Variants in AMMECR1L observed in about 807,000 individuals in gnomAD.
AMMECR1L encodes the protein AMMECR1-like protein.
In AMMECR1L, 4 loss-of-function variants were observed where a neutral mutation model predicts 36.8. The ratio of observed to expected loss-of-function variants is 0.11; its 90% CI spans 0.05 to 0.25. The LOEUF is 0.25. AMMECR1L is among the 10% of genes least tolerant of loss of function. The pLI, the probability that AMMECR1L is intolerant of heterozygous loss-of-function variation, is 1.00. For missense variants in AMMECR1L, 232 were observed against 392.1 expected, an observed-to-expected ratio of 0.59 and a Z score of 3.45; for synonymous variants, 147 against 148.0, an observed-to-expected ratio of 0.99 and a Z score of 0.05.
In AMMECR1L at chr2:127,864,985, A is replaced by C; in HGVS notation, c.*109T>G. On this transcript the variant is annotated 3_prime_UTR_variant, in exon 8 of 8. Coordinates refer to ENST00000272647, the MANE Select transcript of AMMECR1L (RefSeq NM_001199140.2). ...TTGGCAACGGAAGCTAGCATCATAA[A>C]ATGGTGCAGTAATAGAAGTAACTGG... The C allele has an allele frequency of 1.4e-6, 1 of 737,836 alleles. No individual in the cohort carries two copies. Among genetic ancestry groups the C allele is most frequent in the Non-Finnish European group, 2.3e-6 (1 of 441,890 alleles). 45.7% of individuals were successfully genotyped at this position (737,836 alleles called of 1,614,324 possible).
chr2:127,869,435 T>C lies in AMMECR1L; in HGVS notation c.724+19A>G, dbSNP rs1353864159. 4 of 1,595,848 alleles carry C rather than the reference T, an allele frequency of 2.5e-6. No homozygotes were observed. The highest frequency in any genetic ancestry group is 1.7e-5 in the Admixed American group (1 of 59,976). ...CTGTGAATGATACTTGTCATTAAAA[T>C]CCCATTCATCCAACTCACCTTGTTC... is the stretch of plus-strand genomic sequence containing the variant. On this transcript the variant is annotated intron_variant, in intron 6 of 7. Transcript: ENST00000272647. This position sits in a 1 kb window ranked among gnomAD's most constrained non-coding sequence, Gnocchi z 4.7.
In AMMECR1L at chr2:127,873,769, T is replaced by C; in HGVS notation, c.407+59A>G. On this transcript the variant is annotated intron_variant, in intron 3 of 7. Coordinates refer to ENST00000272647, the MANE Select transcript of AMMECR1L (RefSeq NM_001199140.2). The surrounding 1 kb of genome is among the most constrained non-coding windows in gnomAD (Gnocchi z 5.2). ...CAAGTAGCAGACCCTCTCAAGAGAA[T>C]CACCCCAGAAAGATGTCACCATGCC... 6.2e-7 allele frequency: 1 copy of C among 1,609,458 alleles called. No individual in the cohort carries two copies.
chr2:127,875,106 T>C (rs1573552763), intron 2 of AMMECR1L, among the ~76,000 whole-genome samples: 1 of 152,140 alleles, frequency 6.6e-6, no homozygotes, highest in Non-Finnish European at 1.5e-5. Flanking sequence ...TCACATGGGC[T>C]GGGGAGCCAC....
rs1446551746 is a variant in AMMECR1L at position 127,869,538 on chromosome 2, C to A, written c.640G>T (p.Val214Phe). 1 of 1,613,512 alleles carries A rather than the reference C, an allele frequency of 6.2e-7. No homozygotes were observed. Among genetic ancestry groups the A allele is most frequent in the Non-Finnish European group, 8.5e-7 (1 of 1,179,446 alleles). ...ATGAATTCAATTCGAATCCCATGGA[C>A]CCCTACCTATAGAAAAAAGTACAAC... is the stretch of plus-strand genomic sequence containing the variant. ...ASDYLDWEVGVHGIRIEFINE... is the reference protein window; with the variant it reads ...ASDYLDWEVGFHGIRIEFINE... The change falls in exon 6 of 8, where the codon GTC (valine) becomes TTC (phenylalanine). Residue 214 changes from valine (V) to phenylalanine (F), a missense_variant. By Grantham distance (50) the Val-to-Phe change is conservative (BLOSUM62 -1). Coordinates refer to ENST00000272647, the MANE Select transcript of AMMECR1L (RefSeq NM_001199140.2). This position sits in a 1 kb window ranked among gnomAD's most constrained non-coding sequence, Gnocchi z 4.7.
intron 4 of AMMECR1L, 32 bp from the exon 5 acceptor site, chr2:127,870,960 G>A: frequency 6.5e-7 from 1 of 1,541,104 alleles, no homozygotes; most frequent in Non-Finnish European, 8.9e-7. Context: ...AGGTAAGGCT[G>A]CTCTGGAGTC....
intron 6 of AMMECR1L, among the ~76,000 whole-genome samples, chr2:127,868,159 G>A (rs936192651): frequency 6.6e-6 from 1 of 152,158 alleles, no homozygotes; most frequent in Non-Finnish European, 1.5e-5. Flanking sequence ...GAGCAAACGT[G>A]CCCAGCCTCA....
intron 2 of AMMECR1L, among the ~76,000 whole-genome samples, chr2:127,882,046 A>G (rs1366920847): frequency 6.6e-6 from 1 of 152,230 alleles, no homozygotes; most frequent in Non-Finnish European, 1.5e-5. Context: ...TTAAAATGCT[A>G]TTATTGTAGA....
intron 2 of AMMECR1L, among the ~76,000 whole-genome samples, chr2:127,881,106 T>C (rs1182619738): frequency 6.6e-6 from 1 of 151,970 alleles, no homozygotes; most frequent in Non-Finnish European, 1.5e-5. Flanking sequence ...CTGAACTGGC[T>C]TCAGGTGCCA....
chr2:127,873,972 G>C lies in AMMECR1L; in HGVS notation c.263C>G (p.Pro88Arg). Residue 88 changes from proline (P) to arginine (R), a missense_variant, in exon 3 of 8, where the codon CCT becomes CGT. Transcript: ENST00000272647. The surrounding 1 kb of genome is among the most constrained non-coding windows in gnomAD (Gnocchi z 5.2). ...RMNPASGALS[P>R]LPRPNGTANT... ...GGCAGTTCCATTAGGCCGGGGAAGAGGGCTCAGCGCTCCCGATGCGGGATT... is the reference window on the plus strand; with the variant it reads ...GGCAGTTCCATTAGGCCGGGGAAGACGGCTCAGCGCTCCCGATGCGGGATT... The C allele has an allele frequency of 6.2e-7, 1 of 1,614,250 alleles. No individual in the cohort carries two copies. Among genetic ancestry groups the C allele is most frequent in the East Asian group, 2.2e-5 (1 of 44,884 alleles).
intron 2 of AMMECR1L, among the ~76,000 whole-genome samples, chr2:127,881,267 G>T (rs1691488670): frequency 7.4e-6 from 1 of 134,532 alleles, no homozygotes; most frequent in African/African-American, 2.5e-5. Flanking sequence ...TGGTTTCAGG[G>T]ATTAATACAA....
intron 2 of AMMECR1L, among the ~76,000 whole-genome samples, chr2:127,881,960 A>G (rs763892380): frequency 1.3e-5 from 2 of 152,216 alleles, no homozygotes; most frequent in Non-Finnish European, 1.5e-5. Context: ...GGCTGCCTTG[A>G]GAGTTGTACA....
chr2:127,879,737 C>A (rs1364676940), intron 2 of AMMECR1L, among the ~76,000 whole-genome samples: 2 of 152,170 alleles, frequency 1.3e-5, no homozygotes, highest in Non-Finnish European at 2.9e-5. Flanking sequence ...CTAAGTAGTT[C>A]CCGACTCAGC....
At chr2:127,877,034 T>TACATATATATATATATATATATAC (rs1558997855) in intron 2 of AMMECR1L, among the ~76,000 whole-genome samples, 1 of 44,114 alleles carries the variant, frequency 2.3e-5, no homozygotes, top group African/African-American at 1.4e-4. Context: ...TATATATATA[T>TACATATATATATATATATATATAC]ACATATATAT....
chr2:127,881,533 C>T (rs1482909552), intron 2 of AMMECR1L, among the ~76,000 whole-genome samples: 6 of 152,188 alleles, frequency 3.9e-5, no homozygotes, highest in African/African-American at 7.2e-5. Flanking sequence ...TGACTTGCCA[C>T]GTACCAGCTA....
At chr2:127,872,154 A>C (rs1433602472) in intron 3 of AMMECR1L, among the ~76,000 whole-genome samples, 1 of 147,656 alleles carries the variant, frequency 6.8e-6, no homozygotes, top group Admixed American at 7.0e-5. Flanking sequence ...GTGCCACTGC[A>C]CTCCAGCCTC....
At position 127,873,990 on chromosome 2, in the gene AMMECR1L, GC is replaced by G; in HGVS notation, c.244del (p.Ala82HisfsTer5). ...GNSPITRMNP[A>X]SGALSPLPRP... The stretch of plus-strand genomic sequence containing the variant: ...GGGAAGAGGGCTCAGCGCTCCCGAT[GC>G]GGGATTCATTCGTGTGATGGGAGAG... On this transcript the variant is annotated frameshift_variant, in exon 3 of 8. Coordinates refer to ENST00000272647, the MANE Select transcript of AMMECR1L (RefSeq NM_001199140.2). LOFTEE classifies it high-confidence loss of function. The surrounding 1 kb of genome is among the most constrained non-coding windows in gnomAD (Gnocchi z 5.2). 6.2e-7 allele frequency: 1 copy of G among 1,614,246 alleles called. No individual in the cohort carries two copies. The highest frequency in any genetic ancestry group is 8.5e-7 in the Non-Finnish European group (1 of 1,180,042).
rs945472342 is a variant in AMMECR1L at position 127,885,651 on chromosome 2, C to G, written c.-149+159G>C. ...CGCCCGCCGCCCGGGACTCCTCCCC[C>G]CCGCTGCCCCCGGACCCTCGCCCCA... On this transcript the variant is annotated intron_variant, in intron 1 of 7. Transcript: ENST00000272647. 2.1e-4 allele frequency: 207 copies of G among 984,400 alleles called. No homozygotes were observed. In the African/African-American group the frequency reaches 3.2e-3, roughly 15 times the overall value. 61.0% of individuals were successfully genotyped at this position (984,400 alleles called of 1,614,324 possible).
rs554200224 is a variant in AMMECR1L, at chr2:127,876,942, T to C, written c.-38-2670A>G. ...TGAGACAGGAGAATCACTTGAACTC[T>C]GGAGGTGGAAGTTGCAGTAAGCTGA... On this transcript the variant is annotated intron_variant, in intron 2 of 7. Transcript: ENST00000272647. Among the ~76,000 whole-genome samples, 331 of 151,560 alleles carry C rather than the reference T, an allele frequency of 2.2e-3. 2 individuals carry two copies. The highest frequency in any genetic ancestry group is 7.6e-3 in the African/African-American group (316 of 41,322).
chr2:127,884,735 G>C (rs951489062), intron 1 of AMMECR1L: 5 of 152,254 alleles, frequency 3.3e-5, no homozygotes, highest in African/African-American at 1.2e-4. Context: ...AGAATTACTG[G>C]ACAGCACGCC....
Sources: gnomAD v4.1 joint callset for allele counts (sites outside exome capture counted in the v4.1 genomes callset) on GRCh38, gnomAD v4.1.1 for gene constraint, Gnocchi (gnomAD v3.1) non-coding constraint, MANE v1.5 for transcripts, NCBI Gene and HGNC (gene_info 2026-07-23, HGNC 2026-07-21) for gene names.